The following MAP3K19 variants were observed in gnomAD, a reference collection of about 807,000 sequenced individuals.
The protein encoded by MAP3K19 is mitogen-activated protein kinase kinase kinase 19.
In MAP3K19, 91 loss-of-function variants were observed where a neutral mutation model predicts 114.4. The observed-to-expected ratio is 0.80, with a 90% CI of 0.67 to 0.95. The LOEUF is 0.95. Ranked by LOEUF, MAP3K19 falls within the 40% of genes least tolerant of loss-of-function variation. The probability of loss-of-function intolerance (pLI) is 0.00; values close to 1 mark genes in which losing one functional copy is unlikely to be tolerated. For missense variants in MAP3K19, 1,471 were observed against 1,573.2 expected, an observed-to-expected ratio of 0.94 and a Z score of 1.10; for synonymous variants, 518 against 530.5, an observed-to-expected ratio of 0.98 and a Z score of 0.32.
chr2:135,033,459 C>A lies in MAP3K19; in HGVS notation c.-283-2959G>T, dbSNP rs1381132154. Among the ~76,000 whole-genome samples the A allele has an allele frequency of 8.5e-5, 10 of 117,818 alleles. 2 individuals carry two copies. Among genetic ancestry groups the A allele is most frequent in the African/African-American group, 4.2e-4 (10 of 23,828 alleles). 77.3% of individuals were successfully genotyped at this position (117,818 alleles called of 152,430 possible). The stretch of plus-strand genomic sequence containing the variant: ...AGTAGGGGCGGTCGGGCAGAGGCGC[C>A]CCCCACCCCCCGGACGGGGCGGCTG... On this transcript the variant is annotated intron_variant, in intron 2 of 12. Transcript: ENST00000392915.
chr2:134,997,283 G>A (rs1240435301), intron 8 of MAP3K19, among the ~76,000 whole-genome samples: 2 of 152,158 alleles, frequency 1.3e-5, no homozygotes, highest in Non-Finnish European at 2.9e-5. Context: ...ACCTAGAATA[G>A]TCAAATTCGT....
At chr2:134,974,749 A>T (rs2105166175) in intron 12 of MAP3K19, among the ~76,000 whole-genome samples, 1 of 152,134 alleles carries the variant, frequency 6.6e-6, no homozygotes, top group South Asian at 2.1e-4. Flanking sequence ...AAGTCCTGAG[A>T]TTCTTTCTCC....
At chr2:135,039,501 T>C (rs1688605266) in intron 2 of MAP3K19, among the ~76,000 whole-genome samples, 1 of 152,056 alleles carries the variant, frequency 6.6e-6, no homozygotes, top group African/African-American at 2.4e-5. Flanking sequence ...GAGAATCACC[T>C]GAGTCTGGGC....
chr2:135,044,207 T>C (rs954181387), intron 1 of MAP3K19, among the ~76,000 whole-genome samples: 1 of 152,220 alleles, frequency 6.6e-6, no homozygotes. Flanking sequence ...AGTTGTATTA[T>C]TATCCCTATT....
At chr2:134,970,329 GT>G (rs2105145869) in intron 12 of MAP3K19, among the ~76,000 whole-genome samples, 2 of 152,044 alleles carry the variant, frequency 1.3e-5, no homozygotes, top group Admixed American at 1.3e-4. Context: ...CACCTCCTTG[GT>G]TACATTTGTT....
intron 5 of MAP3K19, among the ~76,000 whole-genome samples, chr2:135,020,062 G>A (rs1687865939): frequency 6.6e-6 from 1 of 151,872 alleles, no homozygotes; most frequent in Non-Finnish European, 1.5e-5. Flanking sequence ...TTATTGCCCA[G>A]GCTGGAGTGC....
At chr2:135,019,919 A>G (rs1687854619) in intron 5 of MAP3K19, among the ~76,000 whole-genome samples, 1 of 152,218 alleles carries the variant, frequency 6.6e-6, no homozygotes, top group African/African-American at 2.4e-5. Flanking sequence ...TTGTAAAGTC[A>G]TTCATCATAG....
intron 12 of MAP3K19, among the ~76,000 whole-genome samples, chr2:134,971,599 T>C (rs1573909450): frequency 6.6e-6 from 1 of 152,178 alleles, no homozygotes; most frequent in Non-Finnish European, 1.5e-5. Flanking sequence ...TTCAATCTTA[T>C]TGCTCATTAT....
At chr2:134,990,943 C>T (rs915134234) in intron 9 of MAP3K19, among the ~76,000 whole-genome samples, 2 of 152,116 alleles carry the variant, frequency 1.3e-5, no homozygotes, top group African/African-American at 2.4e-5. Flanking sequence ...ATCTGTAACC[C>T]TAGCACTTTG....
chr2:135,039,384 A>C (rs1460161809), intron 2 of MAP3K19, among the ~76,000 whole-genome samples: 1 of 150,452 alleles, frequency 6.6e-6, no homozygotes, highest in Non-Finnish European at 1.5e-5. Context: ...AGAGTTTGAG[A>C]CCAGCCTGGG....
chr2:135,011,286 C>G (rs1043721423), intron 5 of MAP3K19, among the ~76,000 whole-genome samples: 18 of 152,046 alleles, frequency 1.2e-4, no homozygotes, highest in Admixed American at 1.0e-3. Context: ...GCCTGTTATC[C>G]CAGCACTTTT....
chr2:134,983,912 A>G, intron 10 of MAP3K19, 87 bp from the exon 11 acceptor site: 1 of 923,982 alleles, frequency 1.1e-6, no homozygotes, highest in South Asian at 1.9e-5. Context: ...TCTTCTTTTC[A>G]AATGTTCCTG....
At chr2:135,011,360 A>AC (rs1346039559) in intron 5 of MAP3K19, among the ~76,000 whole-genome samples, 1 of 150,832 alleles carries the variant, frequency 6.6e-6, no homozygotes, top group Non-Finnish European at 1.5e-5. Context: ...ACACGGAGAA[A>AC]CCCCGTCTCT....
chr2:135,033,534 C>G (rs1410676996), intron 2 of MAP3K19, among the ~76,000 whole-genome samples: 1 of 78,386 alleles, frequency 1.3e-5, no homozygotes, highest in Non-Finnish European at 2.2e-5. Flanking sequence ...CGGGCAGAGG[C>G]GCCCCTCACC....
At position 134,998,983 on chromosome 2, in the gene MAP3K19, GAT is replaced by G; in HGVS notation, c.327_328del (p.Ser110AlafsTer15). 6.2e-7 allele frequency: 1 copy of G among 1,612,984 alleles called. No individual in the cohort carries two copies. On this transcript the variant is annotated frameshift_variant, in exon 8 of 13. Transcript: ENST00000392915. LOFTEE classifies it high-confidence loss of function. Reference sequence around the variant, plus strand: ...ATGTGCTTGTGCCCATTCTTGAAGCGATGAGTTTATCAGACTAAAGGGGGAGG... The same window carrying G: ...ATGTGCTTGTGCCCATTCTTGAAGCGGAGTTTATCAGACTAAAGGGGGAGG...
intron 12 of MAP3K19, among the ~76,000 whole-genome samples, chr2:134,973,760 G>A (rs1684034423): frequency 6.6e-6 from 1 of 151,924 alleles, no homozygotes; most frequent in Non-Finnish European, 1.5e-5. Context: ...TCTTTTGTGT[G>A]GTTTCCTCTA....
At chr2:135,002,931 A>C (rs1395001025) in intron 6 of MAP3K19, among the ~76,000 whole-genome samples, 3 of 152,188 alleles carry the variant, frequency 2.0e-5, no homozygotes. Flanking sequence ...CCCACCGCAC[A>C]TTAATATGTT....
At position 134,987,558 on chromosome 2, in the gene MAP3K19, A is replaced by G; in HGVS notation, c.1314T>C (p.Thr438=). ...MEPNNILEEC[T]VLKSLSSVVF... ...CTACACTGGATAAGCTTTTAAGTAC[A>G]GTACACTCTTCTAAAATATTGTTTG... The change falls in exon 10 of 13, where the codon ACT becomes ACC. Residue 438 remains threonine, a synonymous_variant. Transcript: ENST00000392915. The G allele has an allele frequency of 6.2e-7, 1 of 1,614,200 alleles. No individual in the cohort carries two copies. The highest frequency in any genetic ancestry group is 8.5e-7 in the Non-Finnish European group (1 of 1,180,026).
intron 4 of MAP3K19, among the ~76,000 whole-genome samples, chr2:135,024,092 C>G (rs180730992): frequency 1.1e-4 from 17 of 152,226 alleles, no homozygotes; most frequent in Non-Finnish European, 2.1e-4. Flanking sequence ...AAATTGCATC[C>G]TTTTTTCAAA....
Sources: allele counts gnomAD v4.1 joint callset (sites outside exome capture counted in the v4.1 genomes callset), GRCh38; gene constraint gnomAD v4.1.1; transcripts MANE v1.5; gene names NCBI Gene and HGNC (gene_info 2026-07-23, HGNC 2026-07-21).